Variants in KAZN observed in about 807,000 individuals in gnomAD.
KAZN encodes kazrin.
Under a neutral mutation model 87.4 loss-of-function variants are expected in KAZN, and 40 were observed. That is an observed-to-expected ratio of 0.46 (90% CI 0.36 to 0.60). The LOEUF (loss-of-function observed/expected upper bound fraction) is 0.60. Among genes scored for constraint, KAZN ranks in the 20% least tolerant of loss-of-function variants. The probability of loss-of-function intolerance (pLI) is 0.00; values close to 1 mark genes in which losing one functional copy is unlikely to be tolerated. For missense variants in KAZN, 898 were observed against 1,073.9 expected (o/e 0.84, Z 2.29); for synonymous variants, 466 against 458.3 (o/e 1.02, Z -0.22).
intron 2 of KAZN, among the ~76,000 whole-genome samples, chr1:14,570,641 G>A (rs1286267383): frequency 2.0e-5 from 3 of 152,102 alleles, no homozygotes; most frequent in African/African-American, 7.2e-5. Context: ...GTTGATGAAC[G>A]TTTGGAATGT....
intron 1 of KAZN, among the ~76,000 whole-genome samples, chr1:14,167,847 G>C (rs1645866128): frequency 2.0e-5 from 3 of 152,194 alleles, no homozygotes; most frequent in African/African-American, 7.2e-5. Flanking sequence ...AGTGGCATAG[G>C]AGGAAAAGTC....
intron 1 of KAZN, among the ~76,000 whole-genome samples, chr1:14,800,630 G>A (rs901172133): frequency 1.1e-4 from 16 of 152,290 alleles, no homozygotes; most frequent in Middle Eastern, 3.4e-3. Flanking sequence ...CTTGAGCCTG[G>A]GAGATGGAGG....
At chr1:15,031,660 G>A (rs1671719951) in intron 2 of KAZN, among the ~76,000 whole-genome samples, 1 of 152,092 alleles carries the variant, frequency 6.6e-6, no homozygotes, top group African/African-American at 2.4e-5. Context: ...CTGGGGTGCA[G>A]TGGCATGAAC....
In KAZN at chr1:14,404,994, C is replaced by T. The variant is rs116055976; in HGVS notation, c.250-193989C>T. Reference sequence around the variant, plus strand: ...CTGGAATTCTATGCCTTTGTGCATTCTTTATGTTTTCTACATTGCATTAAG... The same window carrying T: ...CTGGAATTCTATGCCTTTGTGCATTTTTTATGTTTTCTACATTGCATTAAG... On this transcript the variant is annotated intron_variant, in intron 2 of 16. Transcript: ENST00000636203. Among the ~76,000 whole-genome samples, 428 of 152,242 alleles carry T rather than the reference C, an allele frequency of 2.8e-3. 1 individual carries two copies. Among genetic ancestry groups the T allele is most frequent in the African/African-American group, 9.9e-3 (412 of 41,538 alleles).
chr1:14,543,302 T>C (rs1672929923), intron 2 of KAZN, among the ~76,000 whole-genome samples: 1 of 152,218 alleles, frequency 6.6e-6, no homozygotes, highest in South Asian at 2.1e-4. Context: ...ATTAATAAGT[T>C]GCATGAAGTT....
chr1:14,461,454 C>T (rs1186878412), intron 2 of KAZN, among the ~76,000 whole-genome samples: 4 of 152,134 alleles, frequency 2.6e-5, no homozygotes, highest in Admixed American at 6.6e-5. Context: ...TAAGTCGTGC[C>T]TTTCACCTTC....
At chr1:14,252,341 C>G (rs1650120212) in intron 2 of KAZN, among the ~76,000 whole-genome samples, 1 of 152,180 alleles carries the variant, frequency 6.6e-6, no homozygotes. Context: ...ATGACAGCAT[C>G]TTATTATCAT....
intron 2 of KAZN, among the ~76,000 whole-genome samples, chr1:14,181,522 G>A (rs893959198): frequency 3.3e-5 from 5 of 152,108 alleles, no homozygotes; most frequent in African/African-American, 4.8e-5. Flanking sequence ...GTACCAATAC[G>A]GCTTTAACTG....
chr1:14,633,231 A>G (rs970871119), intron 1 of KAZN, among the ~76,000 whole-genome samples: 2 of 152,062 alleles, frequency 1.3e-5, no homozygotes, highest in Non-Finnish European at 2.9e-5. Flanking sequence ...TGCACTTAAT[A>G]TTGTCAGATC....
chr1:14,527,157 G>A (rs1159746508), intron 2 of KAZN, among the ~76,000 whole-genome samples: 7 of 152,062 alleles, frequency 4.6e-5, no homozygotes, highest in Non-Finnish European at 8.8e-5. Context: ...TCATGAAGTC[G>A]TAGTCAGACT....
At chr1:15,016,556 G>A (rs1348483452) in intron 2 of KAZN, among the ~76,000 whole-genome samples, 1 of 152,154 alleles carries the variant, frequency 6.6e-6, no homozygotes, top group Admixed American at 6.5e-5. Context: ...AAAGAGATGG[G>A]ATTACAGGCA....
At position 14,035,176 on chromosome 1, in the gene KAZN, A is replaced by G. The variant is rs557391859; in HGVS notation, c.91+141420A>G. Among the ~76,000 whole-genome samples, 3 of 152,330 alleles carry G rather than the reference A, an allele frequency of 2.0e-5. No homozygotes were observed. In the South Asian group the frequency reaches 6.2e-4, roughly 32 times the overall value. ...GAACTTAACCTGGTAGGAAGGGCAG[A>G]TAGGCAGATTAATCCACTACAATGT... On this transcript the variant is annotated intron_variant, in intron 1 of 16. Transcript: ENST00000636203.
At chr1:14,460,319 G>A (rs1667789741) in intron 2 of KAZN, among the ~76,000 whole-genome samples, 2 of 152,240 alleles carry the variant, frequency 1.3e-5, no homozygotes, top group South Asian at 4.1e-4. Flanking sequence ...GGCATTGTCT[G>A]AGGCTTCCCT....
chr1:15,025,729 C>T (rs1301890079), intron 2 of KAZN, among the ~76,000 whole-genome samples: 2 of 152,030 alleles, frequency 1.3e-5, no homozygotes, highest in South Asian at 2.1e-4. Flanking sequence ...TGGGCCTGAG[C>T]GACAAAGTTC....
intron 2 of KAZN, among the ~76,000 whole-genome samples, chr1:14,222,509 G>A (rs1455063593): frequency 1.3e-5 from 2 of 152,182 alleles, no homozygotes; most frequent in Non-Finnish European, 2.9e-5. Context: ...AGGAGTGGCT[G>A]TAATTTATGG....
chr1:15,104,278 G>C (rs1641217975), intron 13 of KAZN, 89 bp downstream of exon 13: 3 of 1,304,156 alleles, frequency 2.3e-6, no homozygotes, highest in Admixed American at 2.8e-5. Flanking sequence ...TCCCCATCCT[G>C]GCCCATCACT....
intron 1 of KAZN, among the ~76,000 whole-genome samples, chr1:14,771,618 G>A (rs1321001972): frequency 6.6e-6 from 1 of 152,140 alleles, no homozygotes; most frequent in Non-Finnish European, 1.5e-5. Context: ...CTGAGGTCAT[G>A]AGTTTGAGAC....
rs1329517803 is a variant in KAZN at position 14,598,886 on chromosome 1, A to G, written c.-112A>G. The stretch of plus-strand genomic sequence containing the variant: ...TGCCTGGGGGTCGGGGCGCGGGCGA[A>G]GCCGGGCCGCGGAGGACACAACAGG... On this transcript the variant is annotated 5_prime_UTR_variant, in exon 1 of 15. Coordinates refer to ENST00000376030, the MANE Select transcript of KAZN (RefSeq NM_201628.3). This position sits in a 1 kb window ranked among gnomAD's most constrained non-coding sequence, Gnocchi z 4.2. The G allele has an allele frequency of 2.7e-6, 4 of 1,478,836 alleles. No homozygotes were observed. Among genetic ancestry groups the G allele is most frequent in the Non-Finnish European group, 2.7e-6 (3 of 1,124,322 alleles). The allele number at this position is 1,478,836 out of a possible 1,614,324, so 91.6% of individuals were successfully genotyped here.
intron 1 of KAZN, among the ~76,000 whole-genome samples, chr1:14,875,703 G>A (rs909145816): frequency 6.6e-6 from 1 of 152,144 alleles, no homozygotes; most frequent in East Asian, 1.9e-4. Context: ...TTGATGATGA[G>A]AGTACGTACA....
Sources: allele counts gnomAD v4.1 joint callset (sites outside exome capture counted in the v4.1 genomes callset), GRCh38; gene constraint gnomAD v4.1.1; non-coding constraint Gnocchi (gnomAD v3.1); transcripts MANE v1.5; gene names NCBI Gene and HGNC (gene_info 2026-07-23, HGNC 2026-07-21).